The following TGIF1 variants were observed in gnomAD, a reference collection of about 807,000 sequenced individuals.
TGIF1 encodes the protein TGFB induced factor homeobox 1.
TGIF1 carries 4 observed loss-of-function variants against 19.3 expected under a neutral mutation model. The ratio of observed to expected loss-of-function variants is 0.21; its 90% CI spans 0.10 to 0.47. TGIF1 has a LOEUF of 0.47. Ranked by LOEUF, TGIF1 falls within the 20% of genes least tolerant of loss-of-function variation. The pLI is 0.98. For synonymous variants in TGIF1, 122 were observed against 129.3 expected (o/e 0.94, Z 0.38); for missense variants, 275 against 341.4 (o/e 0.81, Z 1.53).
chr18:3,454,350 C>A (rs964960761), intron 1 of TGIF1, among the ~76,000 whole-genome samples: 1 of 151,970 alleles, frequency 6.6e-6, no homozygotes, highest in Non-Finnish European at 1.5e-5. Flanking sequence ...ATTCACTGTT[C>A]AATGAGCAAA....
At chr18:3,415,379 G>A (rs899420429) in intron 1 of TGIF1, 2 of 457,860 alleles carry the variant, frequency 4.4e-6, no homozygotes, top group Non-Finnish European at 4.4e-6. Flanking sequence ...CAGAGGCAGA[G>A]TGAGATTCAG....
rs1429259438 is a variant in TGIF1, at chr18:3,458,797, C to A, written c.*857C>A. 1 of 152,140 alleles carries A rather than the reference C, an allele frequency of 6.6e-6. No homozygotes were observed. Among genetic ancestry groups the A allele is most frequent in the African/African-American group, 2.4e-5 (1 of 41,424 alleles). The allele number at this position is 152,140 out of a possible 1,614,324, so 9.4% of individuals were successfully genotyped here. On this transcript the variant is annotated 3_prime_UTR_variant, in exon 3 of 3. Coordinates refer to ENST00000343820, the MANE Select transcript of TGIF1 (RefSeq NM_003244.4). Reference sequence around the variant, plus strand: ...GAAAACAACGCAAGCAATCTCTTGCCCTTTTTCCACGTTACCCTTTAAAAT... The same window carrying A: ...GAAAACAACGCAAGCAATCTCTTGCACTTTTTCCACGTTACCCTTTAAAAT...
rs2049427410 is a variant in TGIF1, at chr18:3,458,243, T to C, written c.*303T>C. The C allele has an allele frequency of 1.3e-5, 5 of 371,098 alleles. No individual in the cohort carries two copies. In the South Asian group the frequency reaches 1.5e-4, roughly 11 times the overall value. The allele number at this position is 371,098 out of a possible 1,614,324, so 23.0% of individuals were successfully genotyped here. A position where few individuals can be genotyped will look rare whatever the true frequency, so the allele number is the denominator to read the frequency against. On this transcript the variant is annotated 3_prime_UTR_variant, in exon 3 of 3. Transcript: ENST00000343820. The stretch of plus-strand genomic sequence containing the variant: ...CCCCTTCCCTTTTTTTGTTATTTTT[T>C]CAGACTGTGCAATACTTAGAGAACC...
rs143683110 is a variant in TGIF1, at chr18:3,429,651, C to T, written c.-45+11436C>T. Among the ~76,000 whole-genome samples the T allele has an allele frequency of 5.8e-4, 88 of 152,266 alleles. No homozygotes were observed. In the East Asian group the frequency reaches 0.011, roughly 19 times the overall value. On this transcript the variant is annotated intron_variant, in intron 2 of 3. Coordinates refer to the TGIF1 transcript ENST00000401449. ...TGGAAGATGTATATACTTCAGTGAA[C>T]CATTATTTTCCAAGTGACCAAAGCA...
At chr18:3,420,453 T>A (rs541038120) in intron 2 of TGIF1, among the ~76,000 whole-genome samples, 1 of 151,918 alleles carries the variant, frequency 6.6e-6, no homozygotes, top group Non-Finnish European at 1.5e-5. Context: ...AAACAAAGAA[T>A]AAGAGCAATG....
chr18:3,458,214 T>C lies in TGIF1; in HGVS notation c.*274T>C, dbSNP rs1355942520. The C allele has an allele frequency of 9.7e-6, 4 of 414,224 alleles. No individual in the cohort carries two copies. Among genetic ancestry groups the C allele is most frequent in the Non-Finnish European group, 1.7e-5 (4 of 232,330 alleles). 25.7% of individuals were successfully genotyped at this position (414,224 alleles called of 1,614,324 possible). A position where few individuals can be genotyped will look rare whatever the true frequency, so the allele number is the denominator to read the frequency against. ...TCCCAATATCATGTGATTTTTTTTT[T>C]CCTCCCCTTCCCTTTTTTTGTTATT... On this transcript the variant is annotated 3_prime_UTR_variant, in exon 3 of 3. Transcript: ENST00000343820.
upstream of TGIF1, chr18:3,448,208 G>A: frequency 1.0e-6 from 1 of 985,396 alleles, no homozygotes; most frequent in Non-Finnish European, 1.2e-6. Flanking sequence ...TCCAGACGAG[G>A]CTCCTGCCAC....
At chr18:3,449,315 A>C, upstream of TGIF1, 1 of 906,586 alleles carries the variant, frequency 1.1e-6, no homozygotes, top group Non-Finnish European at 1.3e-6. Flanking sequence ...CTTAGCTATA[A>C]AAGTGGCCGC....
chr18:3,444,734 A>C (rs1170452190), intron 2 of TGIF1, among the ~76,000 whole-genome samples: 1 of 152,176 alleles, frequency 6.6e-6, no homozygotes, highest in African/African-American at 2.4e-5. Flanking sequence ...TTAATAATGA[A>C]AATTTTTTAA....
At chr18:3,418,115 G>A (rs1382117795) in intron 1 of TGIF1, 1 of 152,116 alleles carries the variant, frequency 6.6e-6, no homozygotes, top group African/African-American at 2.4e-5. Flanking sequence ...TTACTCAGGG[G>A]TCCTGATTTT....
upstream of TGIF1, chr18:3,450,132 G>A: frequency 9.1e-7 from 1 of 1,098,034 alleles, no homozygotes; most frequent in South Asian, 3.2e-5. Flanking sequence ...GGCTGGGGGC[G>A]GAGGCAGGAC....
At chr18:3,448,471 G>A (rs932372157), upstream of TGIF1, 2 of 990,522 alleles carry the variant, frequency 2.0e-6, no homozygotes, top group Non-Finnish European at 1.2e-6. Context: ...CTGTGCTCCC[G>A]GCAGTTGCAG....
At chr18:3,438,791 A>G (rs1407965778) in intron 2 of TGIF1, among the ~76,000 whole-genome samples, 1 of 152,196 alleles carries the variant, frequency 6.6e-6, no homozygotes, top group Non-Finnish European at 1.5e-5. Flanking sequence ...TGCAAACAGA[A>G]GTGGAAATAA....
At chr18:3,424,657 C>T (rs939086131) in intron 2 of TGIF1, among the ~76,000 whole-genome samples, 13 of 152,210 alleles carry the variant, frequency 8.5e-5, no homozygotes, top group Non-Finnish European at 1.6e-4. Context: ...TAGGAACTTT[C>T]AGCCCCACCC....
upstream of TGIF1, chr18:3,448,297 C>G (rs1369758955): frequency 3.0e-6 from 3 of 985,322 alleles, no homozygotes; most frequent in South Asian, 4.7e-5. Context: ...CCCGGCTCCC[C>G]AGCGGATAGG....
intron 1 of TGIF1, chr18:3,418,118 C>A (rs1157704571): frequency 6.6e-6 from 1 of 151,996 alleles, no homozygotes; most frequent in African/African-American, 2.4e-5. Context: ...CTCAGGGGTC[C>A]TGATTTTGTG....
intron 1 of TGIF1, chr18:3,415,531 C>T (rs1314126801): frequency 4.7e-6 from 2 of 423,306 alleles, no homozygotes; most frequent in Non-Finnish European, 9.6e-6. Flanking sequence ...GCCAGCACCC[C>T]CTTTAGAGCC....
Position 3,453,753 on chromosome 18 carries a change from A to G in TGIF1, c.17-2601A>G, listed in dbSNP as rs903913008. The G allele has an allele frequency of 1.3e-5, 13 of 972,846 alleles. No individual in the cohort carries two copies. The East Asian group carries it at 1.5e-3, about 112-fold the overall frequency. 60.3% of individuals were successfully genotyped at this position (972,846 alleles called of 1,614,324 possible). On this transcript the variant is annotated intron_variant, in intron 1 of 2. Transcript: ENST00000343820. ...CGCTGCTTAGGGCGGTGGGATCCTCAGGCCATGTTGTGGCTTTCTCCACAA... is the reference window on the plus strand; with the variant it reads ...CGCTGCTTAGGGCGGTGGGATCCTCGGGCCATGTTGTGGCTTTCTCCACAA...
intron 2 of TGIF1, among the ~76,000 whole-genome samples, chr18:3,432,978 C>T (rs1324273614): frequency 1.3e-5 from 2 of 152,166 alleles, no homozygotes; most frequent in Admixed American, 1.3e-4. Context: ...AGGCTGGTCT[C>T]GAACTCCCGA....
Sources: gnomAD v4.1 joint callset for allele counts (sites outside exome capture counted in the v4.1 genomes callset) on GRCh38, gnomAD v4.1.1 for gene constraint, MANE v1.5 for transcripts, NCBI Gene and HGNC (gene_info 2026-07-23, HGNC 2026-07-21) for gene names.